The following ARID1B variants were observed in gnomAD, a reference collection of about 807,000 sequenced individuals.
ARID1B encodes the protein AT-rich interactive domain-containing protein 1B.
A neutral mutation model predicts 212.3 loss-of-function variants in ARID1B; 30 were observed. That is an observed-to-expected ratio of 0.14 (90% CI 0.11 to 0.19). The LOEUF is 0.19. Ranked by LOEUF, ARID1B falls within the 10% of genes least tolerant of loss-of-function variation. ARID1B has a pLI of 1.00. For missense variants in ARID1B, 2,891 were observed against 3,204.0 expected (o/e 0.90, Z 2.36); for synonymous variants, 1,402 against 1,301.7 (o/e 1.08, Z -1.66).
intron 1 of ARID1B, among the ~76,000 whole-genome samples, chr6:156,799,466 G>A (rs552570052): frequency 9.2e-5 from 14 of 152,238 alleles, no homozygotes; most frequent in Admixed American, 1.3e-4. Context: ...GCTTGCTTGC[G>A]CATTCACATC....
Position 157,121,701 on chromosome 6 carries a change from T to C in ARID1B, c.2581+11140T>C, listed in dbSNP as rs553381375. Among the ~76,000 whole-genome samples the C allele has an allele frequency of 2.7e-5, 4 of 149,518 alleles. No individual in the cohort carries two copies. The East Asian group carries it at 7.9e-4, about 30-fold the overall frequency. On this transcript the variant is annotated intron_variant, in intron 6 of 19. Transcript: ENST00000636930. ...AGGCTGGAGTGCAGTGGCGCGTCTC[T>C]GCTCACTGCAACCTCCACCTCCTGG...
At chr6:156,908,407 A>G (rs141793773) in intron 3 of ARID1B, among the ~76,000 whole-genome samples, 5 of 152,322 alleles carry the variant, frequency 3.3e-5, no homozygotes, top group African/African-American at 1.2e-4. Context: ...ATTTTAATTC[A>G]TAATGGTTTT....
chr6:156,934,912 TTATATATA>T (rs201495355), intron 3 of ARID1B, among the ~76,000 whole-genome samples: 820 of 52,328 alleles, frequency 0.016, 3 homozygotes, highest in Middle Eastern at 0.047. Flanking sequence ...TAGTTGTTAA[TTATATATA>T]TATATATATA....
chr6:157,021,180 G>A (rs1332655364), intron 4 of ARID1B, among the ~76,000 whole-genome samples: 1 of 152,084 alleles, frequency 6.6e-6, no homozygotes, highest in Non-Finnish European at 1.5e-5. Context: ...CCAGCTCTCA[G>A]GCCTCGCTTT....
At chr6:157,141,969 A>G (rs1355929428) in intron 7 of ARID1B, among the ~76,000 whole-genome samples, 1 of 152,230 alleles carries the variant, frequency 6.6e-6, no homozygotes, top group Non-Finnish European at 1.5e-5. Flanking sequence ...CCTGTATACA[A>G]ATTTTTAGCA....
intron 4 of ARID1B, among the ~76,000 whole-genome samples, chr6:157,062,212 T>A (rs527634169): frequency 9.9e-5 from 15 of 152,118 alleles, no homozygotes; most frequent in African/African-American, 3.6e-4. Flanking sequence ...TTGTTTTTTT[T>A]TTTTAGAGAC....
At chr6:157,149,035 C>T in intron 8 of ARID1B, 84 bp downstream of exon 8, 1 of 1,374,284 alleles carries the variant, frequency 7.3e-7, no homozygotes, top group Non-Finnish European at 9.9e-7. Flanking sequence ...CTGCATTGTT[C>T]CCTGGGGTCA....
At chr6:156,897,264 C>CTTATTA (rs1163995525) in intron 2 of ARID1B, among the ~76,000 whole-genome samples, 1,306 of 83,526 alleles carry the variant, frequency 0.016, 27 homozygotes, top group African/African-American at 0.032. Context: ...TCTTCTTCTT[C>CTTATTA]TTATTATTAT....
intron 2 of ARID1B, among the ~76,000 whole-genome samples, chr6:156,896,304 C>T (rs1159415638): frequency 1.3e-5 from 2 of 152,104 alleles, no homozygotes; most frequent in African/African-American, 4.8e-5. Flanking sequence ...AGGCCAGGCT[C>T]AGTAGCTCAT....
intron 2 of ARID1B, among the ~76,000 whole-genome samples, chr6:156,894,069 T>G (rs937937345): frequency 1.3e-5 from 2 of 152,048 alleles, no homozygotes; most frequent in Non-Finnish European, 2.9e-5. Flanking sequence ...GGATAAACAG[T>G]TATGCTGTAT....
chr6:157,014,319 A>C (rs1198826291), intron 4 of ARID1B, among the ~76,000 whole-genome samples: 2 of 152,194 alleles, frequency 1.3e-5, no homozygotes, highest in East Asian at 3.8e-4. Flanking sequence ...CCTTTTATGC[A>C]ATCCTGGTTC....
intron 4 of ARID1B, among the ~76,000 whole-genome samples, chr6:157,008,124 C>T (rs1779356556): frequency 6.6e-6 from 1 of 152,072 alleles, no homozygotes; most frequent in Non-Finnish European, 1.5e-5. Context: ...CTCCTTCCTT[C>T]CCTTTCCTTC....
chr6:157,089,982 T>TA (rs1261015944), intron 5 of ARID1B, among the ~76,000 whole-genome samples: 1 of 152,284 alleles, frequency 6.6e-6, no homozygotes, highest in South Asian at 2.1e-4. Context: ...TCTTGGGTCT[T>TA]ACGCTGGGCC....
At chr6:156,956,708 A>G (rs2128314505) in intron 4 of ARID1B, among the ~76,000 whole-genome samples, 1 of 152,286 alleles carries the variant, frequency 6.6e-6, no homozygotes, top group South Asian at 2.1e-4. Context: ...AGCAGGCAGG[A>G]TGTTGCAGGG....
chr6:157,039,413 C>T (rs1479241850), intron 4 of ARID1B, among the ~76,000 whole-genome samples: 1 of 144,516 alleles, frequency 6.9e-6, no homozygotes, highest in African/African-American at 2.6e-5. Context: ...TCACTGCAAG[C>T]TCCGCTTCCC....
chr6:157,210,125 A>T lies in ARID1B; in HGVS notation c.*2234A>T, dbSNP rs1270291088. ...TCATCTTTTCTGCAAACAGTCTCTC[A>T]TCTGTCAACTCCCACATTACTGAGT... On this transcript the variant is annotated 3_prime_UTR_variant, in exon 20 of 20. Transcript: ENST00000636930. 3 of 232,594 alleles carry T rather than the reference A, an allele frequency of 1.3e-5. No homozygotes were observed. Among genetic ancestry groups the T allele is most frequent in the Non-Finnish European group, 2.5e-5 (3 of 117,744 alleles). 14.4% of individuals were successfully genotyped at this position (232,594 alleles called of 1,614,324 possible).
chr6:157,188,803 T>C (rs1205580063), intron 13 of ARID1B, among the ~76,000 whole-genome samples: 1 of 152,210 alleles, frequency 6.6e-6, no homozygotes, highest in Non-Finnish European at 1.5e-5. Flanking sequence ...TGATCTGGCG[T>C]GCTAAGGACT....
intron 4 of ARID1B, among the ~76,000 whole-genome samples, chr6:156,992,824 C>T (rs981659539): frequency 6.6e-5 from 10 of 152,028 alleles, no homozygotes; most frequent in Non-Finnish European, 1.2e-4. Flanking sequence ...TGGAGGGAGC[C>T]GCCGGCTGCA....
intron 4 of ARID1B, among the ~76,000 whole-genome samples, chr6:156,989,971 TTTC>T (rs1475412708): frequency 2.0e-5 from 3 of 152,166 alleles, no homozygotes; most frequent in African/African-American, 7.2e-5. Flanking sequence ...TTAATTTGAT[TTTC>T]AACCTTTACA....
Sources: gnomAD v4.1 joint callset for allele counts (sites outside exome capture counted in the v4.1 genomes callset) on GRCh38, gnomAD v4.1.1 for gene constraint, MANE v1.5 for transcripts, NCBI Gene and HGNC (gene_info 2026-07-23, HGNC 2026-07-21) for gene names.